Variants in INPP4A observed in about 807,000 individuals in gnomAD.
The protein encoded by INPP4A is inositol polyphosphate-4-phosphatase type I A.
A neutral mutation model predicts 119.8 loss-of-function variants in INPP4A; 33 were observed. The ratio of observed to expected loss-of-function variants is 0.28; its 90% CI spans 0.21 to 0.37. The LOEUF (loss-of-function observed/expected upper bound fraction) is 0.37, where lower values mean the gene tolerates loss of function less well. Among genes scored for constraint, INPP4A ranks in the 10% least tolerant of loss-of-function variants. The pLI, the probability that INPP4A is intolerant of heterozygous loss-of-function variation, is 1.00. For synonymous variants in INPP4A, 496 were observed against 500.7 expected (o/e 0.99, Z 0.12); for missense variants, 956 against 1,289.9 (o/e 0.74, Z 3.97).
chr2:98,563,996 T>C (rs1695984722), intron 18 of INPP4A, among the ~76,000 whole-genome samples: 1 of 151,640 alleles, frequency 6.6e-6, no homozygotes, highest in African/African-American at 2.4e-5. Context: ...GTATTTGCTG[T>C]CAGTGCAAAC....
At chr2:98,553,173 C>T (rs1693837293) in intron 14 of INPP4A, among the ~76,000 whole-genome samples, 1 of 152,200 alleles carries the variant, frequency 6.6e-6, no homozygotes, top group South Asian at 2.1e-4. Flanking sequence ...AAGGGCAGAG[C>T]CCAGGGCTCA....
chr2:98,589,436 C>A lies in INPP4A; in HGVS notation c.*1828C>A. 5.5e-6 allele frequency: 1 copy of A among 182,298 alleles called. No homozygotes were observed. The highest frequency in any genetic ancestry group is 1.2e-5 in the Non-Finnish European group (1 of 85,608). The allele number at this position is 182,298 out of a possible 1,614,324, so 11.3% of individuals were successfully genotyped here. On this transcript the variant is annotated 3_prime_UTR_variant, in exon 25 of 25. Transcript: ENST00000409851. ...CTTGCTTTTTAAAAATAAATATTAC[C>A]CACATAGTTTTCAGATCTTTTTTGT...
At chr2:98,487,280 A>G (rs1342610134) in intron 1 of INPP4A, among the ~76,000 whole-genome samples, 1 of 152,222 alleles carries the variant, frequency 6.6e-6, no homozygotes, top group Non-Finnish European at 1.5e-5. Context: ...CCAGGATACC[A>G]TGTTATGTGT....
chr2:98,523,078 C>A (rs186505551), intron 4 of INPP4A, among the ~76,000 whole-genome samples: 1 of 152,164 alleles, frequency 6.6e-6, no homozygotes, highest in Non-Finnish European at 1.5e-5. Flanking sequence ...ACAGGGTCAT[C>A]ACAAGAGAGA....
chr2:98,548,916 A>G, intron 13 of INPP4A: 1 of 1,588,014 alleles, frequency 6.3e-7, no homozygotes, highest in Non-Finnish European at 8.5e-7. Flanking sequence ...ATTTGCTAAC[A>G]AACTGCTAAT....
At chr2:98,448,634 A>G (rs911341561) in intron 1 of INPP4A, among the ~76,000 whole-genome samples, 3 of 151,236 alleles carry the variant, frequency 2.0e-5, no homozygotes, top group African/African-American at 7.3e-5. Flanking sequence ...TCATGATTAG[A>G]TTCAGGTTAT....
Position 98,555,538 on chromosome 2 carries a change from C to G in INPP4A, c.1567-15C>G, listed in dbSNP as rs759376695. On this transcript the variant is annotated splice_polypyrimidine_tract_variant and intron_variant, in intron 15 of 24. Coordinates refer to ENST00000409851, the MANE Select transcript of INPP4A (RefSeq NM_001134225.2). ...TCGGGAGAGCTGACCCACATGGGCC[C>G]CTTTGATTTGGAAGGAGAAAGTGTG... 6.3e-7 allele frequency: 1 copy of G among 1,584,600 alleles called. No individual in the cohort carries two copies. Among genetic ancestry groups the G allele is most frequent in the African/African-American group, 1.3e-5 (1 of 74,488 alleles).
At chr2:98,520,792 AACACT>A (rs1303697414) in intron 4 of INPP4A, 61 bp downstream of exon 4, 107 of 937,336 alleles carry the variant, frequency 1.1e-4, no homozygotes, top group Non-Finnish European at 1.6e-4. Context: ...TGAAAACAAA[AACACT>A]ACCACCAGTG....
Position 98,587,475 on chromosome 2 carries a change from G to GT in INPP4A, c.2787dup (p.Glu930Ter). On this transcript the variant is annotated frameshift_variant and splice_region_variant. Coordinates refer to ENST00000409851, the MANE Select transcript of INPP4A (RefSeq NM_001134225.2). LOFTEE classifies it high-confidence loss of function. ...ATTTCTTGTGCTTGTTTTTTCCCCA[G>GT]TGAGGGTTGTCGAAGAGAAAATACA... 2 of 1,575,994 alleles carry GT rather than the reference G, an allele frequency of 1.3e-6. No individual in the cohort carries two copies. The highest frequency in any genetic ancestry group is 1.7e-6 in the Non-Finnish European group (2 of 1,164,626).
At chr2:98,497,069 T>G (rs1014905851) in intron 1 of INPP4A, among the ~76,000 whole-genome samples, 3 of 152,214 alleles carry the variant, frequency 2.0e-5, no homozygotes, top group Non-Finnish European at 2.9e-5. Flanking sequence ...ACTGTTGATA[T>G]GGACTTGGTG....
intron 1 of INPP4A, among the ~76,000 whole-genome samples, chr2:98,472,410 G>C (rs3769737): frequency 0.24 from 36,961 of 152,248 alleles, 4,638 homozygotes; most frequent in Middle Eastern, 0.35. Flanking sequence ...GATGGAGATA[G>C]GGTGAAACTC....
chr2:98,465,348 G>A (rs765747302), intron 1 of INPP4A, among the ~76,000 whole-genome samples: 3 of 152,112 alleles, frequency 2.0e-5, no homozygotes, highest in Non-Finnish European at 1.5e-5. Flanking sequence ...TCTGTCACAC[G>A]GCCCTCTCTT....
intron 1 of INPP4A, among the ~76,000 whole-genome samples, chr2:98,452,422 T>A (rs1351735231): frequency 6.6e-6 from 1 of 152,210 alleles, no homozygotes; most frequent in Non-Finnish European, 1.5e-5. Flanking sequence ...GACTTCCAGG[T>A]GATTCTGATG....
intron 24 of INPP4A, among the ~76,000 whole-genome samples, chr2:98,577,806 G>A (rs941918642): frequency 6.6e-6 from 1 of 152,166 alleles, no homozygotes; most frequent in African/African-American, 2.4e-5. Flanking sequence ...AAGCACTGCT[G>A]GGCAGCCCCC....
chr2:98,496,423 TGAA>T (rs1227155741), intron 1 of INPP4A, among the ~76,000 whole-genome samples: 1 of 152,170 alleles, frequency 6.6e-6, no homozygotes. Flanking sequence ...ATGAAACTGC[TGAA>T]GAAAACATAG....
chr2:98,543,641 G>T (rs114402836), intron 10 of INPP4A, among the ~76,000 whole-genome samples: 2 of 152,228 alleles, frequency 1.3e-5, no homozygotes, highest in South Asian at 2.1e-4. Flanking sequence ...CTAAATTCCC[G>T]TGAAAAGCTA....
intron 13 of INPP4A, among the ~76,000 whole-genome samples, chr2:98,547,088 TGAAA>T (rs2106115078): frequency 6.6e-6 from 1 of 152,324 alleles, no homozygotes; most frequent in East Asian, 1.9e-4. Flanking sequence ...TCCCAGTTTT[TGAAA>T]CATTCAGGGG....
At chr2:98,475,346 A>G (rs1209811817) in intron 1 of INPP4A, among the ~76,000 whole-genome samples, 2 of 152,172 alleles carry the variant, frequency 1.3e-5, no homozygotes, top group Non-Finnish European at 2.9e-5. Flanking sequence ...GGGAGTTATT[A>G]GCCCATTAGA....
chr2:98,534,275 C>T (rs934804951), intron 5 of INPP4A, among the ~76,000 whole-genome samples: 2 of 152,198 alleles, frequency 1.3e-5, no homozygotes, highest in East Asian at 3.8e-4. Context: ...CACCAGGGCA[C>T]AGTCCCTGCC....
Sources: gnomAD v4.1 joint callset for allele counts (sites outside exome capture counted in the v4.1 genomes callset) on GRCh38, gnomAD v4.1.1 for gene constraint, MANE v1.5 for transcripts, NCBI Gene and HGNC (gene_info 2026-07-23, HGNC 2026-07-21) for gene names.